OPCML: variants seen among roughly 807,000 people sequenced by gnomAD.
OPCML encodes opioid-binding protein/cell adhesion molecule.
A neutral mutation model predicts 37.8 loss-of-function variants in OPCML; 13 were observed. That is an observed-to-expected ratio of 0.34 (90% confidence interval 0.22 to 0.55). The LOEUF (loss-of-function observed/expected upper bound fraction) is 0.55, where lower values mean the gene tolerates loss of function less well. Ranked by LOEUF, OPCML falls within the 20% of genes least tolerant of loss-of-function variation. The probability of loss-of-function intolerance (pLI) is 0.91; values close to 1 mark genes in which losing one functional copy is unlikely to be tolerated. For synonymous variants in OPCML, 176 were observed against 168.8 expected (o/e 1.04, Z -0.33); for missense variants, 341 against 435.6 (o/e 0.78, Z 1.93).
At position 132,436,083 on chromosome 11, in the gene OPCML, C is replaced by G. The variant is rs1353913948; in HGVS notation, c.916+3G>C. 1 of 1,612,682 alleles carries G rather than the reference C, an allele frequency of 6.2e-7. No individual in the cohort carries two copies. On this transcript the variant is annotated splice_donor_region_variant and intron_variant, in intron 7 of 7. Coordinates refer to ENST00000524381, the MANE Select transcript of OPCML (RefSeq NM_001012393.5). Reference sequence around the variant, plus strand: ...CCACTGCATCCAGGCTTCCAGCACTCACCATACAATGTGATGCTGGCATTG... The same window carrying G: ...CCACTGCATCCAGGCTTCCAGCACTGACCATACAATGTGATGCTGGCATTG...
intron 1 of OPCML, among the ~76,000 whole-genome samples, chr11:133,162,163 G>A (rs901062351): frequency 6.6e-6 from 1 of 152,080 alleles, no homozygotes; most frequent in East Asian, 1.9e-4. Context: ...AAGGGAAAGT[G>A]CATGCAAATT....
In OPCML at chr11:132,816,224, C is replaced by A. The variant is rs60713346; in HGVS notation, c.146+126702G>T. 3.6e-3 allele frequency among the ~76,000 whole-genome samples: 547 copies of A among 152,278 alleles called. 2 individuals are homozygous for A. Among genetic ancestry groups the A allele is most frequent in the African/African-American group, 0.012 (518 of 41,562 alleles). On this transcript the variant is annotated intron_variant, in intron 2 of 7. Transcript: ENST00000524381. The stretch of plus-strand genomic sequence containing the variant: ...TTTAACATGATCATAGACAAGCAGT[C>A]TCTCTTAGGTCAGTTTCTGCTTTGA...
chr11:133,402,869 G>A (rs868167301), intron 1 of OPCML, among the ~76,000 whole-genome samples: 1 of 152,210 alleles, frequency 6.6e-6, no homozygotes. Flanking sequence ...CCAAACCAAG[G>A]TAGGAGATGT....
chr11:133,436,532 G>A (rs1946237219), intron 1 of OPCML, among the ~76,000 whole-genome samples: 1 of 152,152 alleles, frequency 6.6e-6, no homozygotes, highest in Admixed American at 6.5e-5. Flanking sequence ...GGGCTGTTAA[G>A]CTCACAAATG....
intron 2 of OPCML, among the ~76,000 whole-genome samples, chr11:132,874,217 ATCT>A (rs1942923122): frequency 6.6e-6 from 1 of 152,164 alleles, no homozygotes; most frequent in Non-Finnish European, 1.5e-5. Context: ...TATTATTATC[ATCT>A]TTATTATTTT....
At chr11:132,500,613 G>A (rs2096243468) in intron 4 of OPCML, among the ~76,000 whole-genome samples, 1 of 152,144 alleles carries the variant, frequency 6.6e-6, no homozygotes, top group Non-Finnish European at 1.5e-5. Context: ...AGAAGGTGCA[G>A]ATTTGTTACA....
intron 1 of OPCML, among the ~76,000 whole-genome samples, chr11:133,255,577 C>T (rs932108384): frequency 6.6e-5 from 10 of 152,026 alleles, no homozygotes; most frequent in African/African-American, 2.2e-4. Flanking sequence ...AAAGAAGAGG[C>T]CACACACAAA....
chr11:133,209,215 G>A (rs535823150), intron 1 of OPCML, among the ~76,000 whole-genome samples: 104 of 152,306 alleles, frequency 6.8e-4, no homozygotes, highest in Middle Eastern at 6.8e-3. Flanking sequence ...ATAAGGACAA[G>A]GACTGTGTGA....
chr11:132,487,205 C>T (rs751651548), intron 4 of OPCML, among the ~76,000 whole-genome samples: 11 of 152,282 alleles, frequency 7.2e-5, no homozygotes, highest in Middle Eastern at 3.4e-3. Flanking sequence ...CACTGAGAGA[C>T]GGTTACTCAG....
At chr11:133,003,664 A>T in intron 1 of OPCML, 2 of 985,426 alleles carry the variant, frequency 2.0e-6, no homozygotes, top group Non-Finnish European at 2.4e-6. Flanking sequence ...TACTAAAAAA[A>T]CAAACAAAAT....
At chr11:133,288,834 G>A (rs561864027) in intron 1 of OPCML, among the ~76,000 whole-genome samples, 1 of 152,214 alleles carries the variant, frequency 6.6e-6, no homozygotes, top group Non-Finnish European at 1.5e-5. Context: ...ACTAGACTGG[G>A]GTGTCGGCCA....
intron 1 of OPCML, among the ~76,000 whole-genome samples, chr11:133,383,923 G>A (rs899898600): frequency 1.3e-5 from 2 of 152,120 alleles, no homozygotes; most frequent in South Asian, 2.1e-4. Context: ...GGAGATAAGA[G>A]AAGGGTGCAG....
chr11:133,293,570 C>T (rs529467808), intron 1 of OPCML, among the ~76,000 whole-genome samples: 30 of 152,186 alleles, frequency 2.0e-4, no homozygotes, highest in Non-Finnish European at 3.5e-4. Context: ...GAGCCCTGCA[C>T]GTGCCACGGA....
intron 2 of OPCML, among the ~76,000 whole-genome samples, chr11:132,788,934 G>A (rs1937708646): frequency 6.6e-6 from 1 of 152,146 alleles, no homozygotes; most frequent in African/African-American, 2.4e-5. Flanking sequence ...TTTTTACCAG[G>A]AATTTCAGCA....
chr11:132,477,532 G>T (rs555284103), intron 4 of OPCML, among the ~76,000 whole-genome samples: 2 of 152,310 alleles, frequency 1.3e-5, no homozygotes, highest in African/African-American at 4.8e-5. Flanking sequence ...TGTCATTCTG[G>T]AAAGCTTGGA....
chr11:132,561,449 A>G (rs529958361), intron 3 of OPCML, among the ~76,000 whole-genome samples: 9 of 152,206 alleles, frequency 5.9e-5, no homozygotes, highest in African/African-American at 2.2e-4. Context: ...CTGCTCCCAC[A>G]TGTGCCCCTG....
At chr11:132,464,326 T>C (rs1409746497) in intron 4 of OPCML, among the ~76,000 whole-genome samples, 1 of 152,184 alleles carries the variant, frequency 6.6e-6, no homozygotes, top group African/African-American at 2.4e-5. Context: ...TATGTTTTTA[T>C]CAGGGGACTT....
chr11:133,142,568 C>T (rs541866196), intron 1 of OPCML, among the ~76,000 whole-genome samples: 2 of 152,304 alleles, frequency 1.3e-5, no homozygotes, highest in South Asian at 4.1e-4. Flanking sequence ...CCTAGACTAT[C>T]AGGCCAATGA....
intron 2 of OPCML, among the ~76,000 whole-genome samples, chr11:132,738,261 A>G (rs1174245875): frequency 1.3e-5 from 2 of 152,206 alleles, no homozygotes; most frequent in African/African-American, 2.4e-5. Flanking sequence ...TTTGCAGTAC[A>G]CCCTTTTAAT....
Sources: allele counts gnomAD v4.1 joint callset (sites outside exome capture counted in the v4.1 genomes callset), GRCh38; gene constraint gnomAD v4.1.1; transcripts MANE v1.5; gene names NCBI Gene and HGNC (gene_info 2026-07-23, HGNC 2026-07-21).